Variants in STAB2 observed in about 807,000 individuals in gnomAD.
STAB2 encodes the protein stabilin-2.
In STAB2, 288 loss-of-function variants were observed where a neutral mutation model predicts 338.1. The observed-to-expected ratio is 0.85, with a 90% CI of 0.77 to 0.94. The LOEUF is 0.94. Among genes scored for constraint, STAB2 ranks in the 40% least tolerant of loss-of-function variants. The probability of loss-of-function intolerance (pLI) is 0.00; values close to 1 mark genes in which losing one functional copy is unlikely to be tolerated. For synonymous variants in STAB2, 1,202 were observed against 1,193.3 expected (o/e 1.01, Z -0.15); for missense variants, 3,141 against 3,210.1 (o/e 0.98, Z 0.52).
rs374730743 is a variant in STAB2 at position 103,737,772 on chromosome 12, G to A, written c.5689G>A (p.Asp1897Asn). The stretch of plus-strand genomic sequence containing the variant: ...CCGCTGTGACACCTTTACTACTTTC[G>A]ATGCCTCGGTCAGTCCTAAAAACAA... ...GGRCDTFTTF[D>N]ASGECGSCVN... Residue 1897 changes from aspartate (D) to asparagine (N), a missense_variant, in exon 53 of 69, where the codon GAT becomes AAT. By Grantham distance (23) the Asp-to-Asn change is conservative. Transcript: ENST00000388887. 6.2e-6 allele frequency: 10 copies of A among 1,613,500 alleles called. No homozygotes were observed. The highest frequency in any genetic ancestry group is 3.3e-5 in the Admixed American group (2 of 59,920).
intron 68 of STAB2, among the ~76,000 whole-genome samples, chr12:103,764,663 AG>A (rs141433512): frequency 0.038 from 5,742 of 152,304 alleles, 379 homozygotes; most frequent in African/African-American, 0.13. Flanking sequence ...ATTTTTCCAA[AG>A]TAAATCAAGG....
In STAB2 at chr12:103,691,501, A is replaced by G. The variant is rs1018631681; in HGVS notation, c.3297+963A>G. On this transcript the variant is annotated intron_variant, in intron 30 of 68. Coordinates refer to ENST00000388887, the MANE Select transcript of STAB2 (RefSeq NM_017564.10). ...CCATCAGGTTTTAAATTAAAATTGT[A>G]TGTATTTAAAGTGTACAATATGATG... Among the ~76,000 whole-genome samples the G allele has an allele frequency of 2.6e-5, 4 of 152,316 alleles. No homozygotes were observed. The East Asian group carries it at 5.8e-4, about 22-fold the overall frequency.
At chr12:103,608,230 A>AT (rs1244646350) in intron 3 of STAB2, among the ~76,000 whole-genome samples, 1 of 151,992 alleles carries the variant, frequency 6.6e-6, no homozygotes, top group Non-Finnish European at 1.5e-5. Flanking sequence ...GCTCCGCCTC[A>AT]TGGGTTCACG....
chr12:103,684,517 C>G (rs1877219566), intron 26 of STAB2, among the ~76,000 whole-genome samples: 1 of 152,114 alleles, frequency 6.6e-6, no homozygotes, highest in African/African-American at 2.4e-5. Flanking sequence ...CCAACCAAGC[C>G]CTGACATTCC....
At chr12:103,667,568 C>T (rs181795588) in intron 19 of STAB2, among the ~76,000 whole-genome samples, 3 of 152,316 alleles carry the variant, frequency 2.0e-5, no homozygotes, top group East Asian at 3.9e-4. Flanking sequence ...GGAAATTAGA[C>T]ACATGGGTAG....
intron 50 of STAB2, among the ~76,000 whole-genome samples, chr12:103,731,989 T>A (rs1881670956): frequency 6.6e-6 from 1 of 152,216 alleles, no homozygotes. Flanking sequence ...GGGAACTCTA[T>A]GCCTGTGAGG....
chr12:103,746,605 G>A lies in STAB2; in HGVS notation c.6145G>A (p.Ala2049Thr), dbSNP rs1423049261. 3 of 1,614,040 alleles carry A rather than the reference G, an allele frequency of 1.9e-6. No individual in the cohort carries two copies. Among genetic ancestry groups the A allele is most frequent in the Non-Finnish European group, 2.5e-6 (3 of 1,179,882 alleles). The part of the protein sequence containing the change: ...PSCDTQAVLP[A>T]VCTPPCSAHA... The stretch of plus-strand genomic sequence containing the variant: ...GGCCCCTTTCTTTGCAGTTTTGCCT[G>A]CAGTGTGTACGCCTCCTTGTTCTGC... Residue 2049 changes from alanine to threonine, a missense_variant, in exon 58 of 69, where the codon GCA (alanine) becomes ACA (threonine). Physicochemically the swap from Ala to Thr is moderately conservative, Grantham distance 58. Transcript: ENST00000388887.
At chr12:103,748,826 TG>T in intron 58 of STAB2, 136 bp from the exon 59 acceptor site, 1 of 847,878 alleles carries the variant, frequency 1.2e-6, no homozygotes, top group Non-Finnish European at 1.8e-6. Context: ...CCACAGGGCA[TG>T]GAGAGAGAAG....
intron 2 of STAB2, among the ~76,000 whole-genome samples, 198 bp from the exon 3 acceptor site, chr12:103,594,197 A>AT (rs1452153496): frequency 6.6e-6 from 1 of 152,034 alleles, no homozygotes; most frequent in African/African-American, 2.4e-5. Context: ...TTGTTCTCTG[A>AT]TTTTTTCATC....
rs3829299 is a variant in STAB2, at chr12:103,739,286, A to G, written c.5698-126A>G. 259 of 865,248 alleles carry G rather than the reference A, an allele frequency of 3.0e-4. 2 individuals carry two copies. The East Asian group carries it at 7.6e-3, about 25-fold the overall frequency. The allele number at this position is 865,248 out of a possible 1,614,324, so 53.6% of individuals were successfully genotyped here. ...GCCACCATGCCTGGCCTGTTTTCATATTCTTGATCATAGCCAGAGTCTTAA... is the reference window on the plus strand; with the variant it reads ...GCCACCATGCCTGGCCTGTTTTCATGTTCTTGATCATAGCCAGAGTCTTAA... On this transcript the variant is annotated intron_variant, in intron 53 of 68. Transcript: ENST00000388887.
At chr12:103,588,656 G>A (rs1038963368) in intron 1 of STAB2, among the ~76,000 whole-genome samples, 5 of 152,076 alleles carry the variant, frequency 3.3e-5, no homozygotes, top group African/African-American at 1.2e-4. Context: ...CATTTGAAAA[G>A]GGCAATTTGA....
chr12:103,591,911 A>G (rs960943692), intron 2 of STAB2, among the ~76,000 whole-genome samples: 1 of 152,196 alleles, frequency 6.6e-6, no homozygotes, highest in African/African-American at 2.4e-5. Context: ...ATTAGATAGT[A>G]CTCAATGAGT....
At chr12:103,711,635 A>G in intron 40 of STAB2, 119 bp downstream of exon 40, 1 of 1,194,320 alleles carries the variant, frequency 8.4e-7, no homozygotes, top group Non-Finnish European at 1.2e-6. Context: ...AGGGCTTAGG[A>G]TAAACTTGAG....
chr12:103,668,160 G>A (rs187893982), intron 19 of STAB2, among the ~76,000 whole-genome samples: 4 of 152,298 alleles, frequency 2.6e-5, no homozygotes, highest in East Asian at 1.9e-4. Flanking sequence ...AGTGGGCATT[G>A]TTGGTTAGAA....
intron 8 of STAB2, among the ~76,000 whole-genome samples, 180 bp downstream of exon 8, chr12:103,638,392 A>G (rs1957587260): frequency 6.6e-6 from 1 of 152,146 alleles, no homozygotes; most frequent in Non-Finnish European, 1.5e-5. Context: ...CACCCAGTCT[A>G]TCCTTTAAAC....
chr12:103,711,317 G>A (rs1198536353), intron 39 of STAB2, 154 bp from the exon 40 acceptor site: 2 of 949,328 alleles, frequency 2.1e-6, no homozygotes, highest in East Asian at 2.7e-5. Context: ...ATGGCAGCCA[G>A]TATAAAAAAG....
intron 34 of STAB2, 28 bp downstream of exon 34, chr12:103,699,255 C>A (rs751663001): frequency 6.3e-7 from 1 of 1,578,336 alleles, no homozygotes; most frequent in South Asian, 1.1e-5. Context: ...AAAACCCCAG[C>A]AATGCCACCG....
chr12:103,711,634 G>A, intron 40 of STAB2, 118 bp downstream of exon 40: 1 of 1,191,428 alleles, frequency 8.4e-7, no homozygotes, highest in South Asian at 1.4e-5. Flanking sequence ...GAGGGCTTAG[G>A]ATAAACTTGA....
intron 35 of STAB2, among the ~76,000 whole-genome samples, chr12:103,703,732 G>T (rs1370014468): frequency 6.6e-6 from 1 of 152,216 alleles, no homozygotes; most frequent in Non-Finnish European, 1.5e-5. Context: ...TATGGAATAT[G>T]ATAATGGAGG....
Sources: allele counts gnomAD v4.1 joint callset (sites outside exome capture counted in the v4.1 genomes callset), GRCh38; gene constraint gnomAD v4.1.1; transcripts MANE v1.5; gene names NCBI Gene and HGNC (gene_info 2026-07-23, HGNC 2026-07-21).